TRAPPC3L: variants seen among roughly 807,000 people sequenced by gnomAD.
TRAPPC3L encodes trafficking protein particle complex subunit 3L.
Under a neutral mutation model 23.7 loss-of-function variants are expected in TRAPPC3L, and 23 were observed. The ratio of observed to expected loss-of-function variants is 0.97; its 90% CI spans 0.70 to 1.37. The LOEUF (loss-of-function observed/expected upper bound fraction) is 1.37, where lower values mean the gene tolerates loss of function less well. Among genes scored for constraint, TRAPPC3L ranks in the 40% most tolerant of loss-of-function variants. TRAPPC3L has a pLI of 0.00. For synonymous variants in TRAPPC3L, 81 were observed against 77.9 expected, an observed-to-expected ratio of 1.04 and a Z score of -0.21; for missense variants, 212 against 216.8, an observed-to-expected ratio of 0.98 and a Z score of 0.14.
intron 3 of TRAPPC3L, chr6:116,517,524 C>T (rs1443541108): frequency 1.3e-5 from 2 of 152,150 alleles, no homozygotes; most frequent in African/African-American, 4.8e-5. Context: ...TTTGAGAAAG[C>T]TGAATATTAA....
intron 3 of TRAPPC3L, among the ~76,000 whole-genome samples, chr6:116,507,100 T>A (rs1772020118): frequency 8.1e-6 from 1 of 123,550 alleles, no homozygotes; most frequent in South Asian, 2.4e-4. Context: ...TAATATGGTT[T>A]GTAAAAAATT....
chr6:116,510,163 A>T (rs554324362), intron 3 of TRAPPC3L, among the ~76,000 whole-genome samples: 48 of 152,342 alleles, frequency 3.2e-4, no homozygotes, highest in Non-Finnish European at 5.7e-4. Context: ...TATTACTAAA[A>T]AGGCAATAAC....
In TRAPPC3L at chr6:116,495,162, T is replaced by C. The variant is rs1771816345; in HGVS notation, c.*1792A>G. ...TACCCATTAACCATCTCCACTCCTC[T>C]TGAAACTACCCTTCCCAGCCTCTGA... is the stretch of plus-strand genomic sequence containing the variant. On this transcript the variant is annotated 3_prime_UTR_variant, in exon 5 of 5. Transcript: ENST00000368602. The C allele has an allele frequency of 6.6e-6, 1 of 150,652 alleles. No individual in the cohort carries two copies. Among genetic ancestry groups the C allele is most frequent in the Non-Finnish European group, 1.5e-5 (1 of 67,744 alleles). 9.3% of individuals were successfully genotyped at this position (150,652 alleles called of 1,614,324 possible).
intron 3 of TRAPPC3L, among the ~76,000 whole-genome samples, chr6:116,525,257 T>C (rs1037536397): frequency 1.1e-4 from 17 of 152,222 alleles, no homozygotes; most frequent in Admixed American, 2.0e-4. Context: ...ATTCTTAATA[T>C]CCTCTTGGGA....
intron 3 of TRAPPC3L, chr6:116,521,130 T>C (rs2115173729): frequency 6.6e-6 from 1 of 152,100 alleles, no homozygotes; most frequent in Admixed American, 6.6e-5. Flanking sequence ...ATATGCTACA[T>C]ATATGAAAGG....
chr6:116,532,381 C>G (rs1257833080), intron 3 of TRAPPC3L, among the ~76,000 whole-genome samples: 1 of 152,158 alleles, frequency 6.6e-6, no homozygotes, highest in Non-Finnish European at 1.5e-5. Flanking sequence ...GAATTACAGG[C>G]GTGAGCCACC....
chr6:116,515,529 T>C (rs1430657918), intron 3 of TRAPPC3L: 1 of 1,470,756 alleles, frequency 6.8e-7, no homozygotes, highest in Non-Finnish European at 9.2e-7. Context: ...GCTATACACT[T>C]CTCAATAATA....
intron 3 of TRAPPC3L, among the ~76,000 whole-genome samples, chr6:116,535,372 A>G (rs1296412646): frequency 6.6e-6 from 1 of 152,224 alleles, no homozygotes; most frequent in Non-Finnish European, 1.5e-5. Flanking sequence ...GTGCTCATCT[A>G]CTGGTGAGGA....
chr6:116,507,407 T>G (rs1420297612), intron 3 of TRAPPC3L, among the ~76,000 whole-genome samples: 1 of 152,152 alleles, frequency 6.6e-6, no homozygotes, highest in African/African-American at 2.4e-5. Context: ...CAAGATAATT[T>G]GAAAATGTTA....
intron 4 of TRAPPC3L, 99 bp from the exon 5 acceptor site, chr6:116,497,172 A>C: frequency 2.8e-6 from 4 of 1,426,254 alleles, no homozygotes; most frequent in Non-Finnish European, 3.7e-6. Context: ...TTCCTTAAGA[A>C]ATGATTTTTA....
In TRAPPC3L at chr6:116,496,903, T is replaced by C. The variant is rs1771840394; in HGVS notation, c.*51A>G. The C allele has an allele frequency of 6.6e-7, 1 of 1,517,844 alleles. No homozygotes were observed. The highest frequency in any genetic ancestry group is 1.3e-5 in the South Asian group (1 of 77,956). The allele number at this position is 1,517,844 out of a possible 1,614,324, so 94.0% of individuals were successfully genotyped here. On this transcript the variant is annotated 3_prime_UTR_variant, in exon 5 of 5. Coordinates refer to ENST00000368602, the MANE Select transcript of TRAPPC3L (RefSeq NM_001139444.3). ...CAAAATTTCTATGTCTATACATGTT[T>C]AGCTAACATTAACTCAGCTAGCCGC...
At chr6:116,499,317 C>G (rs748324393) in intron 4 of TRAPPC3L, among the ~76,000 whole-genome samples, 1 of 152,164 alleles carries the variant, frequency 6.6e-6, no homozygotes, top group Non-Finnish European at 1.5e-5. Context: ...TCTCGTTTTA[C>G]CTGAGGTTAC....
intron 2 of TRAPPC3L, among the ~76,000 whole-genome samples, chr6:116,542,471 A>G (rs1696888058): frequency 6.6e-6 from 1 of 152,152 alleles, no homozygotes. Flanking sequence ...CTAAAATGTT[A>G]GGCTAAATTT....
chr6:116,512,048 G>A, intron 3 of TRAPPC3L: 1 of 1,614,020 alleles, frequency 6.2e-7, no homozygotes. Context: ...GCTTTCTGTG[G>A]CTCTGCTCAA....
chr6:116,496,117 T>G lies in TRAPPC3L; in HGVS notation c.*837A>C, dbSNP rs921120408. The G allele has an allele frequency of 3.9e-5, 6 of 152,186 alleles. No homozygotes were observed. Among genetic ancestry groups the G allele is most frequent in the African/African-American group, 1.4e-4 (6 of 41,438 alleles). 9.4% of individuals were successfully genotyped at this position (152,186 alleles called of 1,614,324 possible). A position where few individuals can be genotyped will look rare whatever the true frequency, so the allele number is the denominator to read the frequency against. On this transcript the variant is annotated 3_prime_UTR_variant, in exon 5 of 5. Coordinates refer to ENST00000368602, the MANE Select transcript of TRAPPC3L (RefSeq NM_001139444.3). ...TTACTGTGTATTTAATTCGGTACAC[T>G]TGAATTTTAAATGTGTTCTGGTCAC...
chr6:116,514,922 A>T (rs1772193497), intron 3 of TRAPPC3L, among the ~76,000 whole-genome samples: 1 of 152,242 alleles, frequency 6.6e-6, no homozygotes, highest in African/African-American at 2.4e-5. Context: ...GAGCCAAAAA[A>T]GTTAGAAGAT....
At chr6:116,540,279 G>A in intron 3 of TRAPPC3L, 84 bp downstream of exon 3, 1 of 1,299,566 alleles carries the variant, frequency 7.7e-7, no homozygotes, top group Non-Finnish European at 1.1e-6. Context: ...GATGGAACCT[G>A]TCCAATCTGA....
chr6:116,530,994 C>G (rs532057788), intron 3 of TRAPPC3L, among the ~76,000 whole-genome samples: 1 of 144,642 alleles, frequency 6.9e-6, no homozygotes, highest in South Asian at 2.3e-4. Context: ...AATTACTTTG[C>G]CCTGTTTTGG....
chr6:116,540,412 C>CAGG lies in TRAPPC3L; in HGVS notation c.188_190dup (p.Ser63dup). ...TGAATAACTATGGCATCTTCCCACG[C>CAGG]AGGATCGAGCCAAAAAGTCTTCCAC... On this transcript the variant is annotated inframe_insertion, in exon 3 of 5. Coordinates refer to ENST00000368602, the MANE Select transcript of TRAPPC3L (RefSeq NM_001139444.3). The CAGG allele has an allele frequency of 6.4e-7, 1 of 1,551,326 alleles. No individual in the cohort carries two copies. The highest frequency in any genetic ancestry group is 1.4e-5 in the African/African-American group (1 of 73,104).
Sources: allele counts gnomAD v4.1 joint callset (sites outside exome capture counted in the v4.1 genomes callset), GRCh38; gene constraint gnomAD v4.1.1; transcripts MANE v1.5; gene names NCBI Gene and HGNC (gene_info 2026-07-23, HGNC 2026-07-21).